FSTL4: variants seen among roughly 807,000 people sequenced by gnomAD.
FSTL4 encodes the protein follistatin like 4.
FSTL4 carries 28 observed loss-of-function variants against 78.2 expected under a neutral mutation model. The observed-to-expected ratio is 0.36, with a 90% CI of 0.27 to 0.49. The LOEUF is 0.49. FSTL4 is among the 20% of genes least tolerant of loss of function. The pLI, the probability that FSTL4 is intolerant of heterozygous loss-of-function variation, is 0.98. For missense variants in FSTL4, 922 were observed against 1,084.9 expected (o/e 0.85, Z 2.11); for synonymous variants, 422 against 440.5 (o/e 0.96, Z 0.53).
rs1750182830 is a variant in FSTL4 at position 133,197,610 on chromosome 5, T to G, written c.*1485A>C. 6.6e-6 allele frequency: 1 copy of G among 152,200 alleles called. No homozygotes were observed. The highest frequency in any genetic ancestry group is 2.4e-5 in the African/African-American group (1 of 41,418). The allele number at this position is 152,200 out of a possible 1,614,324, so 9.4% of individuals were successfully genotyped here. A position where few individuals can be genotyped will look rare whatever the true frequency, so the allele number is the denominator to read the frequency against. ...TAGGGTTTCCTCTCCTTGAAAGAGT[T>G]CATTCCTTAATGGCAAAGGAAAATC... On this transcript the variant is annotated 3_prime_UTR_variant, in exon 16 of 16. Transcript: ENST00000265342.
At chr5:133,700,706 A>T in the FSTL4 span, among the ~76,000 whole-genome samples, 1 of 152,260 alleles carries the variant, frequency 6.6e-6, no homozygotes, top group Non-Finnish European at 1.5e-5. Context: ...CTGCTCTGCC[A>T]TCCCAACCAC....
chr5:133,721,444 C>T, the FSTL4 span, among the ~76,000 whole-genome samples: 4 of 152,184 alleles, frequency 2.6e-5, no homozygotes, highest in African/African-American at 4.8e-5. Context: ...CTCTCTTAAG[C>T]ATTTCTTGTA....
chr5:133,592,673 G>A (rs1580809453), intron 2 of FSTL4, among the ~76,000 whole-genome samples: 1 of 152,118 alleles, frequency 6.6e-6, no homozygotes, highest in African/African-American at 2.4e-5. Flanking sequence ...TTGCAGCAAT[G>A]AGTGAGTCCT....
intron 2 of FSTL4, among the ~76,000 whole-genome samples, chr5:133,592,130 A>G (rs559798463): frequency 6.6e-6 from 1 of 152,124 alleles, no homozygotes; most frequent in Non-Finnish European, 1.5e-5. Flanking sequence ...TTCCTCTCCA[A>G]GTACCTCTGC....
chr5:133,538,113 T>C (rs1759389992), intron 3 of FSTL4, among the ~76,000 whole-genome samples: 1 of 127,126 alleles, frequency 7.9e-6, no homozygotes, highest in Non-Finnish European at 1.7e-5. Context: ...AATGTCTTTA[T>C]ATCTATTTTT....
intron 4 of FSTL4, among the ~76,000 whole-genome samples, chr5:133,381,671 T>C (rs1755575835): frequency 6.6e-6 from 1 of 152,200 alleles, no homozygotes; most frequent in South Asian, 2.1e-4. Flanking sequence ...CACATTTTCA[T>C]CCCACTGTCT....
chr5:133,624,271 A>C, the FSTL4 span, among the ~76,000 whole-genome samples: 2 of 152,058 alleles, frequency 1.3e-5, no homozygotes, highest in Non-Finnish European at 2.9e-5. Flanking sequence ...TTAGCCACAA[A>C]AGGAACAAAG....
the FSTL4 span, among the ~76,000 whole-genome samples, chr5:133,744,716 C>A: frequency 6.6e-6 from 1 of 152,172 alleles, no homozygotes; most frequent in Non-Finnish European, 1.5e-5. Flanking sequence ...AGGTTGAATG[C>A]AAGCAGGCAT....
At chr5:133,366,025 T>G (rs944766668) in intron 4 of FSTL4, among the ~76,000 whole-genome samples, 2 of 152,100 alleles carry the variant, frequency 1.3e-5, no homozygotes, top group Admixed American at 6.5e-5. Context: ...CAACCCAGAC[T>G]CTTGTCATCC....
intron 4 of FSTL4, among the ~76,000 whole-genome samples, chr5:133,325,165 G>A (rs936072503): frequency 5.9e-5 from 9 of 152,236 alleles, no homozygotes; most frequent in South Asian, 2.1e-4. Flanking sequence ...CCAGCTGAGC[G>A]CCCTGTGCTT....
At chr5:133,732,935 G>C in the FSTL4 span, among the ~76,000 whole-genome samples, 1 of 152,188 alleles carries the variant, frequency 6.6e-6, no homozygotes, top group Non-Finnish European at 1.5e-5. Context: ...CTGGTTCCAG[G>C]TCCACCAGAC....
intron 2 of FSTL4, among the ~76,000 whole-genome samples, chr5:133,576,599 C>A (rs1216241525): frequency 1.3e-5 from 2 of 152,130 alleles, no homozygotes; most frequent in African/African-American, 2.4e-5. Context: ...CTGAGGAGGT[C>A]CCTGTGCCAG....
the FSTL4 span, among the ~76,000 whole-genome samples, chr5:133,828,037 C>T: frequency 4.3e-4 from 66 of 152,234 alleles, no homozygotes; most frequent in Non-Finnish European, 8.1e-4. Context: ...CTGTCCCTGG[C>T]GGCAACATGG....
At chr5:133,773,838 A>G in the FSTL4 span, among the ~76,000 whole-genome samples, 3 of 152,222 alleles carry the variant, frequency 2.0e-5, no homozygotes, top group Non-Finnish European at 4.4e-5. Context: ...CCTTAAAAAT[A>G]GAATTTGAAG....
chr5:133,372,794 C>T (rs769885053), intron 4 of FSTL4, among the ~76,000 whole-genome samples: 5 of 152,120 alleles, frequency 3.3e-5, no homozygotes, highest in East Asian at 3.9e-4. Context: ...GAGCCTCCAG[C>T]GGGGAGGAAC....
chr5:133,738,047 G>A, the FSTL4 span, among the ~76,000 whole-genome samples: 3 of 152,054 alleles, frequency 2.0e-5, no homozygotes, highest in African/African-American at 4.8e-5. Flanking sequence ...CTCTTGGGAC[G>A]TGCTTGGACC....
chr5:133,557,804 T>C (rs192198729), intron 3 of FSTL4, among the ~76,000 whole-genome samples: 41 of 152,316 alleles, frequency 2.7e-4, no homozygotes, highest in Admixed American at 2.2e-3. Flanking sequence ...GACTATCCAA[T>C]TACATAAGCC....
chr5:133,824,749 G>A, the FSTL4 span, among the ~76,000 whole-genome samples: 2,387 of 152,086 alleles, frequency 0.016, 71 homozygotes, highest in African/African-American at 0.054. Flanking sequence ...CCCAAAGCAC[G>A]CAGGCATCCT....
chr5:133,415,916 T>C (rs896313516), intron 3 of FSTL4, among the ~76,000 whole-genome samples: 2 of 152,174 alleles, frequency 1.3e-5, no homozygotes, highest in Non-Finnish European at 2.9e-5. Flanking sequence ...GAACTCACAG[T>C]TTATAGCTCA....
Sources: gnomAD v4.1 joint callset for allele counts (sites outside exome capture counted in the v4.1 genomes callset) on GRCh38, gnomAD v4.1.1 for gene constraint, MANE v1.5 for transcripts, NCBI Gene and HGNC (gene_info 2026-07-23, HGNC 2026-07-21) for gene names.